Variants in ASIC2 observed in about 807,000 individuals in gnomAD.
ASIC2 encodes acid-sensing ion channel 2.
In ASIC2, 25 loss-of-function variants were observed where a neutral mutation model predicts 57.3. That is an observed-to-expected ratio of 0.44 (90% CI 0.32 to 0.61). ASIC2 has a LOEUF of 0.61. Ranked by LOEUF, ASIC2 falls within the 20% of genes least tolerant of loss-of-function variation. The pLI, the probability that ASIC2 is intolerant of heterozygous loss-of-function variation, is 0.06. For missense variants in ASIC2, 641 were observed against 738.1 expected, an observed-to-expected ratio of 0.87 and a Z score of 1.52; for synonymous variants, 319 against 307.5, an observed-to-expected ratio of 1.04 and a Z score of -0.39.
intron 1 of ASIC2, among the ~76,000 whole-genome samples, chr17:33,767,005 G>C (rs560071489): frequency 6.6e-6 from 1 of 152,320 alleles, no homozygotes; most frequent in Non-Finnish European, 1.5e-5. Flanking sequence ...TTAAATAAAA[G>C]AAACCACACT....
Position 34,022,095 on chromosome 17 carries a change from C to T in ASIC2, c.555+133883G>A, listed in dbSNP as rs562316978. 2.6e-5 allele frequency among the ~76,000 whole-genome samples: 4 copies of T among 152,206 alleles called. No individual in the cohort carries two copies. The South Asian group carries it at 8.3e-4, about 32-fold the overall frequency. On this transcript the variant is annotated intron_variant, in intron 1 of 9. Transcript: ENST00000359872. ...CTTGTGATCCGCCCACCTCGGCCTT[C>T]CAAAGTGGGGGGTTGGTATTTTTAA...
At chr17:33,451,991 A>C (rs1260329039) in intron 1 of ASIC2, among the ~76,000 whole-genome samples, 1 of 152,252 alleles carries the variant, frequency 6.6e-6, no homozygotes, top group African/African-American at 2.4e-5. Context: ...ATATGCACGC[A>C]GTACACATTC....
chr17:34,128,776 G>T (rs1911863521), intron 1 of ASIC2, among the ~76,000 whole-genome samples: 1 of 152,112 alleles, frequency 6.6e-6, no homozygotes, highest in Non-Finnish European at 1.5e-5. Flanking sequence ...GTTTGGGGCT[G>T]GAGGAAGAAT....
At chr17:33,961,339 A>T (rs1904913912) in intron 1 of ASIC2, among the ~76,000 whole-genome samples, 1 of 152,186 alleles carries the variant, frequency 6.6e-6, no homozygotes, top group South Asian at 2.1e-4. Flanking sequence ...CCCAGCAGGG[A>T]TAACAGGGGC....
chr17:33,092,794 G>A (rs1301460778), intron 2 of ASIC2, among the ~76,000 whole-genome samples: 1 of 152,252 alleles, frequency 6.6e-6, no homozygotes, highest in Non-Finnish European at 1.5e-5. Flanking sequence ...AATGGGGGCT[G>A]AGGGCATGGG....
At chr17:33,227,810 T>C (rs1907944472) in intron 1 of ASIC2, among the ~76,000 whole-genome samples, 1 of 152,224 alleles carries the variant, frequency 6.6e-6, no homozygotes, top group South Asian at 2.1e-4. Context: ...AGGATTCAGC[T>C]GGTAAGAGGC....
chr17:33,257,304 C>T (rs561031977), intron 1 of ASIC2, among the ~76,000 whole-genome samples: 32 of 152,286 alleles, frequency 2.1e-4, no homozygotes, highest in African/African-American at 7.0e-4. Flanking sequence ...GCTCCGATGT[C>T]TCATGGGTGA....
intron 1 of ASIC2, among the ~76,000 whole-genome samples, chr17:33,906,011 A>AAT (rs781553472): frequency 1.1e-4 from 15 of 132,554 alleles, no homozygotes; most frequent in African/African-American, 2.8e-4. Context: ...TTTTAATTAA[A>AAT]TTTTTTTTTT....
intron 1 of ASIC2, among the ~76,000 whole-genome samples, chr17:33,966,566 G>A (rs1905080898): frequency 6.6e-6 from 1 of 152,218 alleles, no homozygotes; most frequent in Admixed American, 6.5e-5. Flanking sequence ...AGCAAGAAGA[G>A]GATTACACTG....
intron 3 of ASIC2, among the ~76,000 whole-genome samples, chr17:33,070,875 A>G (rs980141842): frequency 5.9e-5 from 9 of 151,928 alleles, no homozygotes; most frequent in African/African-American, 1.5e-4. Context: ...TTTACTAGAT[A>G]TAGATTTTTA....
At chr17:33,718,410 C>T (rs956941209) in intron 1 of ASIC2, among the ~76,000 whole-genome samples, 35 of 151,612 alleles carry the variant, frequency 2.3e-4, no homozygotes, top group African/African-American at 8.5e-4. Flanking sequence ...GTGGAAGGGG[C>T]CAGAGAGAAC....
chr17:33,447,600 G>A (rs1048704829), intron 1 of ASIC2, among the ~76,000 whole-genome samples: 1 of 152,140 alleles, frequency 6.6e-6, no homozygotes, highest in African/African-American at 2.4e-5. Context: ...TTCAGAGTCA[G>A]GCCTAGAACA....
At chr17:33,922,828 C>G (rs12451319) in intron 1 of ASIC2, among the ~76,000 whole-genome samples, 1 of 151,850 alleles carries the variant, frequency 6.6e-6, no homozygotes, top group African/African-American at 2.4e-5. Flanking sequence ...CACCATCTCA[C>G]GAATGGCAAG....
At chr17:33,670,211 G>T (rs1907600978) in intron 1 of ASIC2, among the ~76,000 whole-genome samples, 1 of 152,116 alleles carries the variant, frequency 6.6e-6, no homozygotes, top group Non-Finnish European at 1.5e-5. Context: ...CAAATGTTCT[G>T]TACTGCATAG....
In ASIC2 at chr17:34,019,581, AT is replaced by A. The variant is rs202109640; in HGVS notation, c.555+136396del. Among the ~76,000 whole-genome samples, 5 of 152,340 alleles carry A rather than the reference AT, an allele frequency of 3.3e-5. No individual in the cohort carries two copies. In the South Asian group the frequency reaches 8.3e-4, roughly 25 times the overall value. ...GATGAAGGTTCAGATGATCATTAAC[AT>A]TTTTTAGCAATGAAGTATTTCTAAT... On this transcript the variant is annotated intron_variant, in intron 1 of 9. Transcript: ENST00000359872.
chr17:34,075,823 C>CT (rs57703083), intron 1 of ASIC2, among the ~76,000 whole-genome samples: 273 of 77,524 alleles, frequency 3.5e-3, no homozygotes, highest in East Asian at 0.018. Context: ...TTTCTTTTTC[C>CT]TTTTTTTTTT....
intron 1 of ASIC2, among the ~76,000 whole-genome samples, chr17:33,339,559 T>C (rs924247968): frequency 3.9e-5 from 6 of 152,326 alleles, no homozygotes; most frequent in Non-Finnish European, 5.9e-5. Flanking sequence ...TTTGGCAATT[T>C]ATGCAAAGAC....
intron 1 of ASIC2, among the ~76,000 whole-genome samples, chr17:33,487,981 C>A (rs1913628540): frequency 6.6e-6 from 1 of 152,224 alleles, no homozygotes; most frequent in Non-Finnish European, 1.5e-5. Context: ...TGCTCCTCAA[C>A]TTGCAGATGG....
intron 1 of ASIC2, among the ~76,000 whole-genome samples, chr17:33,788,290 C>A (rs147194015): frequency 0.042 from 6,461 of 152,024 alleles, 170 homozygotes; most frequent in Middle Eastern, 0.092. Context: ...ACATGGCCAA[C>A]AAACATGAAA....
Sources: allele counts gnomAD v4.1 joint callset (sites outside exome capture counted in the v4.1 genomes callset), GRCh38; gene constraint gnomAD v4.1.1; transcripts MANE v1.5; gene names NCBI Gene and HGNC (gene_info 2026-07-23, HGNC 2026-07-21).